Variants in PLCB4 observed in about 807,000 individuals in gnomAD.
PLCB4 encodes 1-phosphatidylinositol 4,5-bisphosphate phosphodiesterase beta-4.
PLCB4 carries 77 observed loss-of-function variants against 178.8 expected under a neutral mutation model. The ratio of observed to expected loss-of-function variants is 0.43; its 90% confidence interval spans 0.36 to 0.52. PLCB4 has a LOEUF of 0.52. PLCB4 is among the 20% of genes least tolerant of loss of function. The pLI, the probability that PLCB4 is intolerant of heterozygous loss-of-function variation, is 0.00. For synonymous variants in PLCB4, 496 were observed against 490.8 expected, an observed-to-expected ratio of 1.01 and a Z score of -0.14; for missense variants, 1,024 against 1,453.4, an observed-to-expected ratio of 0.70 and a Z score of 4.80.
chr20:9,266,519 ATAGT>A (rs1456423017), intron 3 of PLCB4, among the ~76,000 whole-genome samples: 1 of 152,290 alleles, frequency 6.6e-6, no homozygotes, highest in South Asian at 2.1e-4. Context: ...TATCAATTTA[ATAGT>A]TAGTATCTGT....
intron 34 of PLCB4, among the ~76,000 whole-genome samples, chr20:9,458,067 G>T (rs1753474962): frequency 6.6e-6 from 1 of 150,676 alleles, no homozygotes; most frequent in African/African-American, 2.4e-5. Flanking sequence ...AATTCTTCCA[G>T]CAATGATAGT....
chr20:9,162,167 T>C (rs2092899402), intron 2 of PLCB4, among the ~76,000 whole-genome samples: 1 of 152,230 alleles, frequency 6.6e-6, no homozygotes, highest in South Asian at 2.1e-4. Flanking sequence ...TTTAAAATAA[T>C]GTTCTCTGCT....
chr20:9,438,225 G>C (rs960577800), intron 30 of PLCB4, among the ~76,000 whole-genome samples: 19 of 152,102 alleles, frequency 1.2e-4, no homozygotes, highest in Admixed American at 6.5e-5. Context: ...AATTAGCCAG[G>C]CATGGTGGCG....
intron 4 of PLCB4, among the ~76,000 whole-genome samples, chr20:9,309,013 CT>C (rs1383855004): frequency 2.6e-5 from 4 of 151,804 alleles, no homozygotes; most frequent in Admixed American, 6.6e-5. Flanking sequence ...ATTTGTTTTT[CT>C]TTTTTTTCTC....
rs775593530 is a variant in PLCB4 at position 9,435,622 on chromosome 20, C to G, written c.2587C>G (p.Gln863Glu). The change falls in exon 29 of 40, where the codon CAA (glutamine) becomes GAA (glutamate). Residue 863 changes from glutamine to glutamate, a missense_variant. Coordinates refer to ENST00000378473, the MANE Select transcript of PLCB4 (RefSeq NM_001377142.1). ...FLSITEKRAD[Q>E]MRAMGIETSD... is the part of the protein sequence containing the mutation. ...CTCAATTACAGAAAAGAGAGCAGAC[C>G]AAATGAGAGCTATGGGCATTGAAAC... 6.2e-7 allele frequency: 1 copy of G among 1,603,130 alleles called. No homozygotes were observed. Among genetic ancestry groups the G allele is most frequent in the Admixed American group, 1.7e-5 (1 of 59,826 alleles).
intron 18 of PLCB4, among the ~76,000 whole-genome samples, chr20:9,394,519 G>A (rs2038413234): frequency 6.6e-6 from 1 of 151,976 alleles, no homozygotes; most frequent in Admixed American, 6.6e-5. Flanking sequence ...ACTTACATCA[G>A]CAGGATATAC....
At chr20:9,466,295 T>C (rs1440223688) in intron 35 of PLCB4, among the ~76,000 whole-genome samples, 1 of 152,158 alleles carries the variant, frequency 6.6e-6, no homozygotes, top group Non-Finnish European at 1.5e-5. Context: ...CAAGATGGAT[T>C]AAAGACTTAA....
chr20:9,466,831 G>A (rs530066939), intron 35 of PLCB4, among the ~76,000 whole-genome samples: 5 of 152,232 alleles, frequency 3.3e-5, no homozygotes, highest in African/African-American at 1.2e-4. Context: ...ACTGTTGGTG[G>A]GAGTGTAAAT....
intron 2 of PLCB4, among the ~76,000 whole-genome samples, chr20:9,108,974 A>C (rs549033412): frequency 6.6e-6 from 1 of 152,032 alleles, no homozygotes; most frequent in Non-Finnish European, 1.5e-5. Context: ...CATAGGAAAA[A>C]CCAGGTGCCT....
At chr20:9,231,717 C>T (rs2093935149) in intron 3 of PLCB4, among the ~76,000 whole-genome samples, 2 of 152,042 alleles carry the variant, frequency 1.3e-5, no homozygotes, top group Non-Finnish European at 2.9e-5. Flanking sequence ...ATTTTCAGTA[C>T]ATTTACATAA....
At chr20:9,477,128 C>T (rs564233794) in intron 39 of PLCB4, among the ~76,000 whole-genome samples, 4 of 152,216 alleles carry the variant, frequency 2.6e-5, no homozygotes, top group South Asian at 2.1e-4. Flanking sequence ...ATTTTTAAAG[C>T]GCTCGCTGAA....
intron 3 of PLCB4, among the ~76,000 whole-genome samples, chr20:9,278,478 A>G (rs997598104): frequency 2.0e-5 from 3 of 152,074 alleles, no homozygotes; most frequent in Non-Finnish European, 4.4e-5. Context: ...AAATATCTTT[A>G]CAAAGTTCCA....
At chr20:9,160,072 T>C (rs111774222) in intron 2 of PLCB4, among the ~76,000 whole-genome samples, 176 of 152,260 alleles carry the variant, frequency 1.2e-3, no homozygotes, top group African/African-American at 3.9e-3. Flanking sequence ...GAGCTGCTGC[T>C]CAGTTCTAGC....
chr20:9,087,106 G>A (rs1178320818), intron 1 of PLCB4, among the ~76,000 whole-genome samples: 2 of 151,880 alleles, frequency 1.3e-5, no homozygotes, highest in Non-Finnish European at 2.9e-5. Flanking sequence ...GTTGATTCTT[G>A]CTTTTAAAAA....
chr20:9,456,617 G>A (rs2043073700), intron 33 of PLCB4, among the ~76,000 whole-genome samples: 2 of 152,190 alleles, frequency 1.3e-5, no homozygotes, highest in East Asian at 1.9e-4. Context: ...TTAAGTCACG[G>A]GAATGTTTCG....
intron 4 of PLCB4, among the ~76,000 whole-genome samples, chr20:9,336,549 C>T (rs1306818124): frequency 6.6e-6 from 1 of 152,076 alleles, no homozygotes; most frequent in African/African-American, 2.4e-5. Context: ...TGACTCAGTC[C>T]ATCTGGACTG....
chr20:9,298,346 A>T (rs989898498), intron 3 of PLCB4, among the ~76,000 whole-genome samples: 1 of 152,130 alleles, frequency 6.6e-6, no homozygotes, highest in African/African-American at 2.4e-5. Context: ...CTTACATTAA[A>T]TAAATTTGTA....
At chr20:9,402,629 G>A (rs2039116191) in intron 20 of PLCB4, among the ~76,000 whole-genome samples, 1 of 152,212 alleles carries the variant, frequency 6.6e-6, no homozygotes, top group East Asian at 1.9e-4. Flanking sequence ...ACAGGCTGCT[G>A]CTCTAGGCCA....
chr20:9,196,558 C>G (rs2093474985), intron 2 of PLCB4, among the ~76,000 whole-genome samples: 1 of 152,090 alleles, frequency 6.6e-6, no homozygotes, highest in South Asian at 2.1e-4. Context: ...TGGAAAGATA[C>G]TGATGTTTGG....
Sources: gnomAD v4.1 joint callset for allele counts (sites outside exome capture counted in the v4.1 genomes callset) on GRCh38, gnomAD v4.1.1 for gene constraint, MANE v1.5 for transcripts, NCBI Gene and HGNC (gene_info 2026-07-23, HGNC 2026-07-21) for gene names.